Variants in EPB41L1 observed in about 807,000 individuals in gnomAD.
EPB41L1 encodes the protein erythrocyte membrane protein band 4.1 like 1, also known as band 4.1-like protein 1.
In EPB41L1, 29 loss-of-function variants were observed where a neutral mutation model predicts 97.8. The ratio of observed to expected loss-of-function variants is 0.30; its 90% CI spans 0.22 to 0.40. EPB41L1 has a LOEUF of 0.40. Among genes scored for constraint, EPB41L1 ranks in the 10% least tolerant of loss-of-function variants. EPB41L1 has a pLI of 1.00. For synonymous variants in EPB41L1, 383 were observed against 459.2 expected (o/e 0.83, Z 2.12); for missense variants, 812 against 1,162.3 (o/e 0.70, Z 4.38).
At chr20:36,201,694 C>T (rs2062506556) in intron 14 of EPB41L1, among the ~76,000 whole-genome samples, 1 of 152,120 alleles carries the variant, frequency 6.6e-6, no homozygotes, top group African/African-American at 2.4e-5. Flanking sequence ...ATGCCCAGGG[C>T]GGCAGCAAGT....
chr20:36,170,553 A>G (rs1013823596), intron 1 of EPB41L1, among the ~76,000 whole-genome samples: 2 of 152,102 alleles, frequency 1.3e-5, no homozygotes, highest in Non-Finnish European at 2.9e-5. Flanking sequence ...GCCCCTGGCC[A>G]TGGAATGCAG....
At position 36,093,843 on chromosome 20, in the gene EPB41L1, G is replaced by T. The variant is rs2057744742; in HGVS notation, c.-65+2231G>T. ...GTGGCCAGGGGACATGTCCCCTCCG[G>T]CCTCCCCCCAGCCCCCCACCAGACC... On this transcript the variant is annotated intron_variant, in intron 1 of 19. Transcript: ENST00000202028. This position sits in a 1 kb window ranked among gnomAD's most constrained non-coding sequence, Gnocchi z 5.4. Among the ~76,000 whole-genome samples, 1 of 151,988 alleles carries T rather than the reference G, an allele frequency of 6.6e-6. No individual in the cohort carries two copies. The highest frequency in any genetic ancestry group is 1.5e-5 in the Non-Finnish European group (1 of 67,972).
Position 36,229,748 on chromosome 20 carries a change from C to T in EPB41L1, c.*408C>T, listed in dbSNP as rs776792959. ...CCACGATGATTGTAGAAGTCCCTCC[C>T]GCCCTGGTTCTGCACGTTACAGTTA... On this transcript the variant is annotated 3_prime_UTR_variant, in exon 22 of 22. Transcript: ENST00000338074. 3.7e-5 allele frequency: 6 copies of T among 161,746 alleles called. No homozygotes were observed. The highest frequency in any genetic ancestry group is 5.4e-5 in the Non-Finnish European group (4 of 73,776). The allele number at this position is 161,746 out of a possible 1,614,324, so 10.0% of individuals were successfully genotyped here.
chr20:36,126,971 T>C (rs1189716895), intron 2 of EPB41L1, among the ~76,000 whole-genome samples: 2 of 152,214 alleles, frequency 1.3e-5, no homozygotes, highest in Non-Finnish European at 2.9e-5. Flanking sequence ...GCACTGCCTC[T>C]GGAGAGGAGG....
At chr20:36,152,345 T>C (rs1427576081), upstream of EPB41L1, 1 of 152,702 alleles carries the variant, frequency 6.5e-6, no homozygotes, top group African/African-American at 2.4e-5. Context: ...TGCCTCGGTC[T>C]TTGGAGTGTA....
Position 36,190,857 on chromosome 20 carries a change from G to A in EPB41L1, c.1300+60G>A. 6.3e-7 allele frequency: 1 copy of A among 1,595,318 alleles called. No homozygotes were observed. The highest frequency in any genetic ancestry group is 8.5e-7 in the Non-Finnish European group (1 of 1,173,580). Reference sequence around the variant, plus strand: ...GTCTTCAGAGGGAACTGGGGGAGTGGGCATGCTGGGTTCTGCAGAATGAGC... The same window carrying A: ...GTCTTCAGAGGGAACTGGGGGAGTGAGCATGCTGGGTTCTGCAGAATGAGC... On this transcript the variant is annotated intron_variant, in intron 11 of 21. Coordinates refer to ENST00000338074, the MANE Select transcript of EPB41L1 (RefSeq NM_012156.2). The surrounding 1 kb of genome is among the most constrained non-coding windows in gnomAD (Gnocchi z 5.8).
chr20:36,144,324 G>T (rs2059756930), intron 2 of EPB41L1, among the ~76,000 whole-genome samples: 1 of 152,110 alleles, frequency 6.6e-6, no homozygotes, highest in Non-Finnish European at 1.5e-5. Flanking sequence ...CCCCTGCCTG[G>T]TTCCTTGAGC....
rs1048939187 is a variant in EPB41L1 at position 36,203,877 on chromosome 20, T to C, written c.1669-5611T>C. On this transcript the variant is annotated intron_variant, in intron 14 of 21. Transcript: ENST00000338074. ...AGTGGGGACAGAGGGTTTATGATGC[T>C]CTCTTGAGCCTTCAAAATGTTTCAG... Among the ~76,000 whole-genome samples, 18 of 152,300 alleles carry C rather than the reference T, an allele frequency of 1.2e-4. No homozygotes were observed. In the Middle Eastern group the frequency reaches 0.01, roughly 86 times the overall value.
intron 2 of EPB41L1, among the ~76,000 whole-genome samples, chr20:36,132,955 C>T (rs1029172346): frequency 2.0e-5 from 3 of 152,252 alleles, no homozygotes; most frequent in African/African-American, 7.2e-5. Flanking sequence ...TGGGTGTGTG[C>T]ACTCATCTGT....
intron 2 of EPB41L1, among the ~76,000 whole-genome samples, chr20:36,129,428 C>T (rs6060809): frequency 0.048 from 7,253 of 152,110 alleles, 202 homozygotes; most frequent in African/African-American, 0.076. Context: ...CTTTTTCAGA[C>T]GCCTTCCTGG....
intron 1 of EPB41L1, among the ~76,000 whole-genome samples, chr20:36,096,382 T>C (rs2057832421): frequency 6.6e-6 from 1 of 152,102 alleles, no homozygotes. Flanking sequence ...GAGCGAGGGG[T>C]TTCCCTGATC....
At chr20:36,219,912 TGCTTC>T (rs1346448337) in intron 19 of EPB41L1, 68 bp downstream of exon 19, 3 of 1,394,084 alleles carry the variant, frequency 2.2e-6, no homozygotes, top group Admixed American at 1.7e-5. Context: ...ACTGTTGTTC[TGCTTC>T]GGCTTCGCCA....
chr20:36,127,458 A>C (rs1167472342), intron 2 of EPB41L1, among the ~76,000 whole-genome samples: 5 of 152,106 alleles, frequency 3.3e-5, no homozygotes, highest in Admixed American at 1.3e-4. Flanking sequence ...CCATGGATGC[A>C]CTGTGTTGGT....
intron 11 of EPB41L1, among the ~76,000 whole-genome samples, chr20:36,192,397 G>T (rs1187891351): frequency 6.6e-6 from 1 of 151,930 alleles, no homozygotes; most frequent in Non-Finnish European, 1.5e-5. Context: ...CAGGCATGGT[G>T]GCAGGCGCCT....
Position 36,175,590 on chromosome 20 carries a change from G to A in EPB41L1, c.217G>A (p.Gly73Ser), listed in dbSNP as rs1308366227. ...MEEKDYSEAD[G>S]LSERTTPSKA... is the part of the protein sequence containing the mutation. ...GGAGAAGGACTACAGTGAGGCCGAT[G>A]GCCTTTCGGAGAGGACCACGCCCAG... The change falls in exon 3 of 22, where the codon GGC becomes AGC. Residue 73 changes from glycine (G) to serine (S), a missense_variant. Physicochemically the swap from Gly to Ser is moderately conservative, Grantham distance 56. Around this residue, in one of 3 missense-constraint regions of EPB41L1, gnomAD observed 230 missense variants for 445.2 expected, o/e 0.52. Transcript: ENST00000338074. The A allele has an allele frequency of 6.2e-7, 1 of 1,614,088 alleles. No individual in the cohort carries two copies. Among genetic ancestry groups the A allele is most frequent in the Non-Finnish European group, 8.5e-7 (1 of 1,180,046 alleles).
At chr20:36,211,122 CACACCTGTAATCCCAGCACTT>C (rs113470772) in intron 15 of EPB41L1, among the ~76,000 whole-genome samples, 4,414 of 152,176 alleles carry the variant, frequency 0.029, 166 homozygotes, top group African/African-American at 0.088. Flanking sequence ...CACAGTGGTT[CACACCTGTAATCCCAGCACTT>C]TGGGAGGCTG....
Position 36,188,343 on chromosome 20 carries a change from G to A in EPB41L1, c.874-4G>A, listed in dbSNP as rs772084513. 2.2e-5 allele frequency: 35 copies of A among 1,613,152 alleles called. No homozygotes were observed. The highest frequency in any genetic ancestry group is 1.7e-6 in the Non-Finnish European group (2 of 1,179,962). ...CTCCCATTCCATGGTCTCTTCTCAT[G>A]CAGGACTCTGAGGGCATCGACATCA... is the stretch of plus-strand genomic sequence containing the variant. On this transcript the variant is annotated splice_polypyrimidine_tract_variant and splice_region_variant and intron_variant, in intron 8 of 21. Coordinates refer to ENST00000338074, the MANE Select transcript of EPB41L1 (RefSeq NM_012156.2).
At chr20:36,188,260 G>T in intron 8 of EPB41L1, 87 bp from the exon 9 acceptor site, 2 of 1,574,618 alleles carry the variant, frequency 1.3e-6, no homozygotes, top group South Asian at 1.1e-5. Context: ...TACAAGCAGC[G>T]CACAGGGCAG....
At chr20:36,140,256 G>A (rs1378513594) in intron 2 of EPB41L1, among the ~76,000 whole-genome samples, 2 of 148,368 alleles carry the variant, frequency 1.3e-5, no homozygotes, top group African/African-American at 5.0e-5. Flanking sequence ...TTTTTAGTAG[G>A]GATGAGGTTT....
Sources: allele counts gnomAD v4.1 joint callset (sites outside exome capture counted in the v4.1 genomes callset), GRCh38; gene constraint gnomAD v4.1.1; regional missense constraint gnomAD v4.1.1; non-coding constraint Gnocchi (gnomAD v3.1); transcripts MANE v1.5; gene names NCBI Gene and HGNC (gene_info 2026-07-23, HGNC 2026-07-21).